SH3TC1: variants seen among roughly 807,000 people sequenced by gnomAD.
The protein encoded by SH3TC1 is SH3 domain and tetratricopeptide repeat-containing protein 1.
Under a neutral mutation model 117.3 loss-of-function variants are expected in SH3TC1, and 135 were observed. That is an observed-to-expected ratio of 1.15 (90% confidence interval 1.00 to 1.33). The LOEUF (loss-of-function observed/expected upper bound fraction) is 1.33, where lower values mean the gene tolerates loss of function less well. Among genes scored for constraint, SH3TC1 ranks in the 40% most tolerant of loss-of-function variants. The probability of loss-of-function intolerance (pLI) is 0.00; values close to 1 mark genes in which losing one functional copy is unlikely to be tolerated. For synonymous variants in SH3TC1, 898 were observed against 816.9 expected (o/e 1.10, Z -1.69); for missense variants, 2,092 against 1,794.3 (o/e 1.17, Z -3.00).
chr4:8,202,237 G>A (rs540077366), intron 1 of SH3TC1, among the ~76,000 whole-genome samples: 4 of 152,336 alleles, frequency 2.6e-5, no homozygotes, highest in Admixed American at 2.6e-4. Flanking sequence ...GAGGCTGGGC[G>A]AGGGCAGCCA....
chr4:8,212,789 G>T lies in SH3TC1; in HGVS notation c.336G>T (p.Leu112=). Residue 112 remains leucine, a synonymous_variant, in exon 4 of 18, where the codon CTG becomes CTT. Transcript: ENST00000245105. ...AGACCCTCCGGGGCCAGCTCCGCCT[G>T]CTGGAGAATGATAGCCGGGAGATGG... ...LQQTLRGQLR[L]LENDSREMAR... 4 of 1,607,686 alleles carry T rather than the reference G, an allele frequency of 2.5e-6. No individual in the cohort carries two copies. The highest frequency in any genetic ancestry group is 3.4e-6 in the Non-Finnish European group (4 of 1,177,534).
chr4:8,186,453 A>AGGAAGTCGAGTCGAGTGTGAATT lies in SH3TC1; in HGVS notation c.-57+4245_-57+4267dup, dbSNP rs1717224826. Among the ~76,000 whole-genome samples the AGGAAGTCGAGTCGAGTGTGAATT allele has an allele frequency of 1.3e-5, 2 of 152,216 alleles. No individual in the cohort carries two copies. Among genetic ancestry groups the AGGAAGTCGAGTCGAGTGTGAATT allele is most frequent in the Non-Finnish European group, 2.9e-5 (2 of 68,024 alleles). On this transcript the variant is annotated intron_variant, in intron 1 of 16. Coordinates refer to the SH3TC1 transcript ENST00000508641. This position sits in a 1 kb window ranked among gnomAD's most constrained non-coding sequence, Gnocchi z 5.2. ...AGAAGACGGATGTTAGGGGAAACTA[A>AGGAAGTCGAGTCGAGTGTGAATT]GGAAGTCGAGTCGAGTGTGAATTGT...
At chr4:8,184,119 T>C (rs568820249) in intron 1 of SH3TC1, among the ~76,000 whole-genome samples, 3 of 152,220 alleles carry the variant, frequency 2.0e-5, no homozygotes, top group Non-Finnish European at 4.4e-5. Context: ...CAACCATGTA[T>C]ATATGCATGT....
Position 8,234,140 on chromosome 4 carries a change from CCATTCATCCATCCATCCATCCTTCCAT to C in SH3TC1, c.3282+631_3282+657del, listed in dbSNP as rs1480561870. Among the ~76,000 whole-genome samples the C allele has an allele frequency of 6.0e-5, 8 of 132,778 alleles. No individual in the cohort carries two copies. In the South Asian group the frequency reaches 1.4e-3, roughly 23 times the overall value. 87.1% of individuals were successfully genotyped at this position (132,778 alleles called of 152,430 possible). A position where few individuals can be genotyped will look rare whatever the true frequency, so the allele number is the denominator to read the frequency against. ...ATCCTTCCATCATCCATCCATTTAT[CCATTCATCCATCCATCCATCCTTCCAT>C]CATCCATCCATCCATCATCCATCCA... On this transcript the variant is annotated intron_variant, in intron 14 of 17. Transcript: ENST00000245105.
chr4:8,218,981 CAG>C (rs1719619648), intron 8 of SH3TC1, among the ~76,000 whole-genome samples: 1 of 152,126 alleles, frequency 6.6e-6, no homozygotes, highest in Non-Finnish European at 1.5e-5. Flanking sequence ...GCGCACCTGT[CAG>C]GGGGACTAAA....
At chr4:8,232,460 AC>A (rs1341370390) in intron 13 of SH3TC1, 4 of 1,474,900 alleles carry the variant, frequency 2.7e-6, no homozygotes, top group Non-Finnish European at 3.6e-6. Flanking sequence ...TGTTCTTCCT[AC>A]CTGGTGGCTT....
intron 17 of SH3TC1, 130 bp downstream of exon 17, chr4:8,237,800 C>A (rs527421819): frequency 2.0e-6 from 2 of 1,023,418 alleles, no homozygotes; most frequent in African/African-American, 1.7e-5. Flanking sequence ...GCGCTGCGCC[C>A]GGCTGGAGGA....
Position 8,228,645 on chromosome 4 carries a change from G to T in SH3TC1, c.2950+1G>T. ...GCCGTGGAGATGGGCCACGTGGAGA[G>T]TGAGTGCCCCAGTTCCTTCTGTGTG... On this transcript the variant is annotated splice_donor_variant, in intron 12 of 17. Coordinates refer to ENST00000245105, the MANE Select transcript of SH3TC1 (RefSeq NM_018986.5). LOFTEE classifies it high-confidence loss of function. 1 of 1,488,846 alleles carries T rather than the reference G, an allele frequency of 6.7e-7. No homozygotes were observed. Among genetic ancestry groups the T allele is most frequent in the East Asian group, 2.4e-5 (1 of 41,970 alleles). 92.2% of individuals were successfully genotyped at this position (1,488,846 alleles called of 1,614,324 possible). A position where few individuals can be genotyped will look rare whatever the true frequency, so the allele number is the denominator to read the frequency against.
chr4:8,202,014 CT>C (rs1468667447), intron 1 of SH3TC1, among the ~76,000 whole-genome samples: 3 of 152,186 alleles, frequency 2.0e-5, no homozygotes, highest in Non-Finnish European at 4.4e-5. Context: ...CGAAAGACCC[CT>C]TAAACCAGGG....
At position 8,228,596 on chromosome 4, in the gene SH3TC1, T is replaced by C. The variant is rs1205729045; in HGVS notation, c.2902T>C (p.Tyr968His). Reference protein sequence around the residue: ...RQGPAQQGKGYYEWALLVAVE... With the variant: ...RQGPAQQGKGHYEWALLVAVE... ...GGGCCCGGCCCAGCAGGGCAAGGGCTACTACGAGTGGGCCCTTCTGGTCGC... is the reference window on the plus strand; with the variant it reads ...GGGCCCGGCCCAGCAGGGCAAGGGCCACTACGAGTGGGCCCTTCTGGTCGC... Residue 968 changes from tyrosine (Y) to histidine (H), a missense_variant, in exon 12 of 18, where the codon TAC becomes CAC. Coordinates refer to ENST00000245105, the MANE Select transcript of SH3TC1 (RefSeq NM_018986.5). 1 of 1,564,988 alleles carries C rather than the reference T, an allele frequency of 6.4e-7. No homozygotes were observed. Among genetic ancestry groups the C allele is most frequent in the Admixed American group, 1.9e-5 (1 of 53,922 alleles).
At chr4:8,239,344 C>T (rs1307430135) in intron 17 of SH3TC1, among the ~76,000 whole-genome samples, 5 of 151,378 alleles carry the variant, frequency 3.3e-5, no homozygotes, top group Admixed American at 6.6e-5. Flanking sequence ...CACATGGACA[C>T]GCACACGCAA....
chr4:8,209,758 T>C lies in SH3TC1; in HGVS notation c.183T>C (p.Pro61=), dbSNP rs1718490064. 1 of 1,613,644 alleles carries C rather than the reference T, an allele frequency of 6.2e-7. No individual in the cohort carries two copies. The highest frequency in any genetic ancestry group is 1.7e-5 in the Admixed American group (1 of 59,996). The change falls in exon 3 of 18, where the codon CCT becomes CCC. Residue 61 remains proline (P), a synonymous_variant. Coordinates refer to ENST00000245105, the MANE Select transcript of SH3TC1 (RefSeq NM_018986.5). The surrounding 1 kb of genome is among the most constrained non-coding windows in gnomAD (Gnocchi z 5.9). The part of the protein sequence containing the change: ...AKAPVRGDEA[P]PARVAGPAAG... ...CCTGCTGTGTTGCAGACGAGGCTCC[T>C]CCTGCCCGCGTGGCTGGGCCTGCTG...
intron 5 of SH3TC1, among the ~76,000 whole-genome samples, chr4:8,215,753 A>G (rs1209972233): frequency 6.6e-6 from 1 of 152,200 alleles, no homozygotes; most frequent in Non-Finnish European, 1.5e-5. Flanking sequence ...GGGCTTGCAC[A>G]TGGGCATTTC....
chr4:8,210,685 C>T lies in SH3TC1; in HGVS notation c.247+863C>T, dbSNP rs1448231511. 7.5e-6 allele frequency among the ~76,000 whole-genome samples: 1 copy of T among 133,676 alleles called. No homozygotes were observed. The highest frequency in any genetic ancestry group is 1.6e-5 in the Non-Finnish European group (1 of 64,476). 87.7% of individuals were successfully genotyped at this position (133,676 alleles called of 152,430 possible). ...GGCTGAGGCAGAAGAATCACTTGAA[C>T]CCAGGAGGCAGAGGTAGTGAGCCGA... On this transcript the variant is annotated intron_variant, in intron 3 of 17. Coordinates refer to ENST00000245105, the MANE Select transcript of SH3TC1 (RefSeq NM_018986.5). The surrounding 1 kb of genome is among the most constrained non-coding windows in gnomAD (Gnocchi z 4.1).
chr4:8,238,603 G>A (rs1722035441), intron 17 of SH3TC1, among the ~76,000 whole-genome samples: 1 of 152,174 alleles, frequency 6.6e-6, no homozygotes, highest in African/African-American at 2.4e-5. Context: ...GGGGCTGCCA[G>A]GGAGGCCCCC....
At chr4:8,226,901 G>T in intron 11 of SH3TC1, 79 bp from the exon 12 acceptor site, 1 of 1,068,124 alleles carries the variant, frequency 9.4e-7, no homozygotes, top group East Asian at 2.8e-5. Context: ...AGAGGCTGGG[G>T]ATGAGGGGAC....
intron 1 of SH3TC1, among the ~76,000 whole-genome samples, chr4:8,204,465 CT>C (rs1718033597): frequency 6.6e-6 from 1 of 152,200 alleles, no homozygotes; most frequent in Non-Finnish European, 1.5e-5. Flanking sequence ...GAAAACTGCC[CT>C]GGCCATGGTG....
At position 8,228,587 on chromosome 4, in the gene SH3TC1, G is replaced by C. The variant is rs199506568; in HGVS notation, c.2893G>C (p.Gly965Arg). Residue 965 changes from glycine (G) to arginine (R), a missense_variant, in exon 12 of 18, where the codon GGC becomes CGC. Transcript: ENST00000245105. ...CACCCGCCAGGGCCCGGCCCAGCAG[G>C]GCAAGGGCTACTACGAGTGGGCCCT... Reference protein sequence around the residue: ...LCTRQGPAQQGKGYYEWALLV... With the variant: ...LCTRQGPAQQRKGYYEWALLV... The C allele has an allele frequency of 1.6e-5, 25 of 1,582,030 alleles. No individual in the cohort carries two copies. The Admixed American group carries it at 2.7e-4, about 17-fold the overall frequency.
chr4:8,202,710 G>A (rs933121936), intron 1 of SH3TC1, among the ~76,000 whole-genome samples: 1 of 152,196 alleles, frequency 6.6e-6, no homozygotes, highest in Non-Finnish European at 1.5e-5. Context: ...CTGAGGCCCT[G>A]CACTCTGAGC....
Sources: gnomAD v4.1 joint callset for allele counts (sites outside exome capture counted in the v4.1 genomes callset) on GRCh38, gnomAD v4.1.1 for gene constraint, Gnocchi (gnomAD v3.1) non-coding constraint, MANE v1.5 for transcripts, NCBI Gene and HGNC (gene_info 2026-07-23, HGNC 2026-07-21) for gene names.